ABCC12: variants seen among roughly 807,000 people sequenced by gnomAD.
The protein encoded by ABCC12 is ATP-binding cassette sub-family C member 12.
A neutral mutation model predicts 151.1 loss-of-function variants in ABCC12; 142 were observed. The ratio of observed to expected loss-of-function variants is 0.94; its 90% CI spans 0.82 to 1.08. The LOEUF (loss-of-function observed/expected upper bound fraction) is 1.08, where lower values mean the gene tolerates loss of function less well. Ranked by LOEUF, ABCC12 falls within the 50% of genes least tolerant of loss-of-function variation. The pLI is 0.00. For synonymous variants in ABCC12, 645 were observed against 646.4 expected (o/e 1.00, Z 0.03); for missense variants, 1,638 against 1,691.1 (o/e 0.97, Z 0.55).
chr16:48,127,546 G>A (rs1964280654), intron 11 of ABCC12, among the ~76,000 whole-genome samples: 1 of 152,152 alleles, frequency 6.6e-6, no homozygotes, highest in Non-Finnish European at 1.5e-5. Context: ...CTGCAGCCAG[G>A]TGCCCTGGGT....
intron 20 of ABCC12, among the ~76,000 whole-genome samples, chr16:48,105,756 A>T (rs1405723389): frequency 1.3e-5 from 2 of 152,006 alleles, no homozygotes; most frequent in Non-Finnish European, 2.9e-5. Flanking sequence ...TCAGGAACTG[A>T]CCTCCAGCAT....
chr16:48,105,025 C>T, intron 21 of ABCC12, 114 bp downstream of exon 21: 1 of 1,215,110 alleles, frequency 8.2e-7, no homozygotes, highest in Non-Finnish European at 1.2e-6. Context: ...ACTGCAAGCT[C>T]TATGAGGGCT....
In ABCC12 at chr16:48,083,383, C is replaced by T. The variant is rs1759877963; in HGVS notation, c.*332G>A. On this transcript the variant is annotated 3_prime_UTR_variant, in exon 31 of 31. Transcript: ENST00000311303. The stretch of plus-strand genomic sequence containing the variant: ...GTTGTTTATTGTGGCTGATTTCTAA[C>T]TGAAAGTTACAATATTTTCAATCTC... 2 of 255,542 alleles carry T rather than the reference C, an allele frequency of 7.8e-6. No individual in the cohort carries two copies. The highest frequency in any genetic ancestry group is 2.2e-5 in the African/African-American group (1 of 44,562). 15.8% of individuals were successfully genotyped at this position (255,542 alleles called of 1,614,324 possible).
intron 22 of ABCC12, among the ~76,000 whole-genome samples, chr16:48,103,901 C>G (rs1473573017): frequency 6.6e-6 from 1 of 152,238 alleles, no homozygotes; most frequent in Non-Finnish European, 1.5e-5. Context: ...AGGAGGCAAT[C>G]ATGGCTACTA....
Position 48,091,107 on chromosome 16 carries a change from A to G in ABCC12, c.3285+13T>C, listed in dbSNP as rs1449409558. ...TTAACTTGTCCCTCCTCTCTGATGC[A>G]CTAATTTCTTACCGAAATGTATTCC... On this transcript the variant is annotated intron_variant, in intron 25 of 30. Coordinates refer to ENST00000311303, the MANE Select transcript of ABCC12 (RefSeq NM_001393797.1). 1.2e-6 allele frequency: 2 copies of G among 1,613,688 alleles called. No individual in the cohort carries two copies. Among genetic ancestry groups the G allele is most frequent in the Non-Finnish European group, 1.7e-6 (2 of 1,179,548 alleles).
chr16:48,113,642 C>A (rs1963776545), intron 15 of ABCC12, among the ~76,000 whole-genome samples: 1 of 152,168 alleles, frequency 6.6e-6, no homozygotes, highest in African/African-American at 2.4e-5. Flanking sequence ...TTCCATTCTC[C>A]CTGACAAGGC....
At chr16:48,113,346 G>A (rs2150621307) in intron 15 of ABCC12, among the ~76,000 whole-genome samples, 1 of 152,284 alleles carries the variant, frequency 6.6e-6, no homozygotes, top group Middle Eastern at 3.4e-3. Context: ...GACACCATAA[G>A]CCTGTTCCAG....
intron 25 of ABCC12, among the ~76,000 whole-genome samples, chr16:48,089,819 A>G (rs557028371): frequency 6.6e-6 from 1 of 152,350 alleles, no homozygotes; most frequent in Non-Finnish European, 1.5e-5. Context: ...TTGTGACTCT[A>G]ATTTAAAATG....
chr16:48,124,366 A>C, intron 11 of ABCC12, 82 bp from the exon 12 acceptor site: 1 of 1,403,606 alleles, frequency 7.1e-7, no homozygotes, highest in Non-Finnish European at 1.0e-6. Flanking sequence ...CTCCCAAACT[A>C]TGCTGGTCAG....
intron 14 of ABCC12, 102 bp downstream of exon 14, chr16:48,117,159 G>A: frequency 2.7e-6 from 3 of 1,096,580 alleles, no homozygotes; most frequent in South Asian, 1.6e-5. Flanking sequence ...CGTCCTTGGG[G>A]CATCTGGATG....
At chr16:48,141,497 T>G in intron 4 of ABCC12, 144 bp from the exon 5 acceptor site, 1 of 1,086,090 alleles carries the variant, frequency 9.2e-7, no homozygotes. Flanking sequence ...CTCAGCTTTC[T>G]GCTCTTCCTG....
intron 8 of ABCC12, among the ~76,000 whole-genome samples, chr16:48,135,847 A>G (rs1964590951): frequency 1.3e-5 from 2 of 152,064 alleles, no homozygotes; most frequent in Admixed American, 6.6e-5. Flanking sequence ...AAAGCTCACA[A>G]ATTACATTCA....
intron 23 of ABCC12, among the ~76,000 whole-genome samples, chr16:48,100,103 G>T (rs1963250619): frequency 6.6e-6 from 1 of 151,854 alleles, no homozygotes; most frequent in Admixed American, 6.6e-5. Flanking sequence ...GACATTACAG[G>T]TGCCCACCAC....
intron 13 of ABCC12, among the ~76,000 whole-genome samples, chr16:48,119,713 C>T (rs1230953061): frequency 1.3e-5 from 2 of 152,176 alleles, no homozygotes; most frequent in East Asian, 3.9e-4. Context: ...GGCCAAACTA[C>T]CACTGGAGAG....
At chr16:48,146,619 T>A in intron 2 of ABCC12, 145 bp from the exon 3 acceptor site, 1 of 572,996 alleles carries the variant, frequency 1.7e-6, no homozygotes. Flanking sequence ...TGTAGGGGAG[T>A]GTGGCCAGAA....
intron 23 of ABCC12, among the ~76,000 whole-genome samples, chr16:48,097,478 A>G (rs1313868936): frequency 6.6e-6 from 1 of 152,196 alleles, no homozygotes; most frequent in East Asian, 1.9e-4. Flanking sequence ...AGCTTCTTCA[A>G]GGACAGGAAG....
rs1964711654 is a variant in ABCC12 at position 48,139,107 on chromosome 16, G to T, written c.831+56C>A. On this transcript the variant is annotated intron_variant, in intron 7 of 30. Coordinates refer to ENST00000311303, the MANE Select transcript of ABCC12 (RefSeq NM_001393797.1). ...AATGCAGCCTTCCACCCAATTCAGT[G>T]AAAGTGTGTGAAATGCAAATACAAA... is the stretch of plus-strand genomic sequence containing the variant. 5 of 1,511,314 alleles carry T rather than the reference G, an allele frequency of 3.3e-6. No homozygotes were observed. The East Asian group carries it at 1.1e-4, about 35-fold the overall frequency. 93.6% of individuals were successfully genotyped at this position (1,511,314 alleles called of 1,614,324 possible). A position where few individuals can be genotyped will look rare whatever the true frequency, so the allele number is the denominator to read the frequency against.
At chr16:48,104,424 G>T in intron 21 of ABCC12, 56 bp from the exon 22 acceptor site, 1 of 1,506,970 alleles carries the variant, frequency 6.6e-7, no homozygotes, top group Non-Finnish European at 9.2e-7. Context: ...AGTAAACCCT[G>T]CTGCTCTGCT....
At chr16:48,146,961 A>G (rs939789513) in intron 2 of ABCC12, among the ~76,000 whole-genome samples, 6 of 151,920 alleles carry the variant, frequency 3.9e-5, no homozygotes, top group African/African-American at 1.2e-4. Flanking sequence ...ATACACCCAC[A>G]CACACCCACG....
Sources: allele counts gnomAD v4.1 joint callset (sites outside exome capture counted in the v4.1 genomes callset), GRCh38; gene constraint gnomAD v4.1.1; transcripts MANE v1.5; gene names NCBI Gene and HGNC (gene_info 2026-07-23, HGNC 2026-07-21).